ASIC5: variants seen among roughly 807,000 people sequenced by gnomAD.
The protein encoded by ASIC5 is acid sensing ion channel subunit family member 5, also known as bile acid-sensitive ion channel.
A neutral mutation model predicts 51.2 loss-of-function variants in ASIC5; 52 were observed. The observed-to-expected ratio is 1.02, with a 90% CI of 0.81 to 1.28. The LOEUF (loss-of-function observed/expected upper bound fraction) is 1.28, where lower values mean the gene tolerates loss of function less well. Among genes scored for constraint, ASIC5 ranks in the 50% most tolerant of loss-of-function variants. ASIC5 has a pLI of 0.00. For synonymous variants in ASIC5, 231 were observed against 200.7 expected, an observed-to-expected ratio of 1.15 and a Z score of -1.28; for missense variants, 635 against 595.0, an observed-to-expected ratio of 1.07 and a Z score of -0.70.
At chr4:155,845,014 C>A (rs568884082) in intron 4 of ASIC5, among the ~76,000 whole-genome samples, 2 of 151,934 alleles carry the variant, frequency 1.3e-5, no homozygotes, top group East Asian at 3.9e-4. Context: ...AACACGTGTC[C>A]CAACTTGGTC....
intron 6 of ASIC5, 131 bp downstream of exon 6, chr4:155,842,076 C>T (rs568932021): frequency 3.5e-6 from 3 of 854,312 alleles, no homozygotes; most frequent in Non-Finnish European, 5.3e-6. Context: ...TCAGCAACAT[C>T]TGTAATTACA....
chr4:155,846,974 G>A (rs1277680158), intron 4 of ASIC5, among the ~76,000 whole-genome samples: 2 of 151,912 alleles, frequency 1.3e-5, no homozygotes, highest in Non-Finnish European at 2.9e-5. Flanking sequence ...GAGATGTAAA[G>A]AAAGCTATAA....
chr4:155,852,374 A>C, intron 3 of ASIC5, 58 bp from the exon 4 acceptor site: 1 of 1,524,190 alleles, frequency 6.6e-7, no homozygotes. Context: ...GTCACTTCTC[A>C]AGTTTGCCAT....
At chr4:155,841,806 C>T (rs1741126831) in intron 6 of ASIC5, among the ~76,000 whole-genome samples, 1 of 152,084 alleles carries the variant, frequency 6.6e-6, no homozygotes, top group Admixed American at 6.6e-5. Context: ...TTCCAGAAAT[C>T]TCTGCGATGA....
At chr4:155,866,091 A>G in intron 1 of ASIC5, 96 bp downstream of exon 1, 2 of 722,084 alleles carry the variant, frequency 2.8e-6, no homozygotes, top group Middle Eastern at 2.9e-4. Flanking sequence ...TTGGAAATCA[A>G]ATTTCCCAAA....
intron 8 of ASIC5, 47 bp from the exon 9 acceptor site, chr4:155,831,962 A>G (rs767785943): frequency 3.0e-6 from 3 of 1,006,704 alleles, no homozygotes; most frequent in Admixed American, 2.1e-5. Context: ...TGTCAGCATT[A>G]CTTTTAATTC....
intron 4 of ASIC5, among the ~76,000 whole-genome samples, chr4:155,848,081 A>C (rs1741297850): frequency 6.6e-6 from 1 of 152,072 alleles, no homozygotes; most frequent in African/African-American, 2.4e-5. Flanking sequence ...AAACAAATTT[A>C]ATTGGCTTCA....
At chr4:155,859,384 G>A (rs1489187652) in intron 2 of ASIC5, among the ~76,000 whole-genome samples, 1 of 151,496 alleles carries the variant, frequency 6.6e-6, no homozygotes, top group East Asian at 1.9e-4. Flanking sequence ...AAAAAATTTT[G>A]TCATATAGAG....
chr4:155,863,362 A>T, intron 2 of ASIC5, 86 bp downstream of exon 2: 1 of 1,096,568 alleles, frequency 9.1e-7, no homozygotes, highest in East Asian at 2.6e-5. Flanking sequence ...TAAGTTCCAC[A>T]TGAGAAAACT....
intron 6 of ASIC5, among the ~76,000 whole-genome samples, chr4:155,841,782 A>G (rs1741126255): frequency 6.6e-6 from 1 of 152,118 alleles, no homozygotes; most frequent in South Asian, 2.1e-4. Flanking sequence ...CCACCCTGAT[A>G]TCGCAATTTT....
At chr4:155,846,472 A>T (rs970943772) in intron 4 of ASIC5, among the ~76,000 whole-genome samples, 2 of 152,142 alleles carry the variant, frequency 1.3e-5, no homozygotes, top group South Asian at 4.1e-4. Context: ...AGCCTAGTCC[A>T]CAGGCAGTAA....
chr4:155,862,412 T>C (rs917229807), intron 2 of ASIC5, among the ~76,000 whole-genome samples: 2 of 152,116 alleles, frequency 1.3e-5, no homozygotes, highest in Non-Finnish European at 2.9e-5. Flanking sequence ...GATGATATTA[T>C]CTCATTTTAT....
chr4:155,844,834 A>G (rs1217333243), intron 4 of ASIC5, among the ~76,000 whole-genome samples: 1 of 152,044 alleles, frequency 6.6e-6, no homozygotes, highest in Non-Finnish European at 1.5e-5. Flanking sequence ...CCCTCAGAAG[A>G]ATATACTTAG....
chr4:155,842,104 T>C, intron 6 of ASIC5, 103 bp downstream of exon 6: 2 of 1,097,180 alleles, frequency 1.8e-6, no homozygotes, highest in Non-Finnish European at 2.6e-6. Context: ...ATACTTAATA[T>C]TCCATTTGTA....
chr4:155,843,666 G>C lies in ASIC5; in HGVS notation c.861+15C>G. 6.2e-7 allele frequency: 1 copy of C among 1,612,678 alleles called. No homozygotes were observed. Among genetic ancestry groups the C allele is most frequent in the South Asian group, 1.1e-5 (1 of 90,878 alleles). The stretch of plus-strand genomic sequence containing the variant: ...TTCACTACCCCACCTAATTTCCTCA[G>C]ACTCGAGTATTTACCTTCACTTGGC... On this transcript the variant is annotated intron_variant, in intron 5 of 9. Transcript: ENST00000537611.
In ASIC5 at chr4:155,863,470, C is replaced by T. The variant is rs748820601; in HGVS notation, c.325G>A (p.Val109Met). Residue 109 changes from valine to methionine, a missense_variant, in exon 2 of 10, where the codon GTG (valine) becomes ATG (methionine). By Grantham distance (21) the Val-to-Met change is conservative. Coordinates refer to ENST00000537611, the MANE Select transcript of ASIC5 (RefSeq NM_017419.3). The stretch of plus-strand genomic sequence containing the variant: ...TACCTGTTCAAATTACAAAATGTCA[C>T]AGCTGGGAACTCCATCTTTTCCACA... ...QYVEKMEFPA[V>M]TFCNLNRFQT... The T allele has an allele frequency of 1.9e-6, 3 of 1,612,338 alleles. No individual in the cohort carries two copies. Among genetic ancestry groups the T allele is most frequent in the Non-Finnish European group, 2.5e-6 (3 of 1,178,930 alleles).
intron 6 of ASIC5, among the ~76,000 whole-genome samples, chr4:155,840,817 A>G (rs909694172): frequency 3.3e-5 from 5 of 152,070 alleles, no homozygotes; most frequent in Non-Finnish European, 7.4e-5. Flanking sequence ...TATAGTGATA[A>G]CATTACTATT....
At chr4:155,860,565 C>A (rs547422014) in intron 2 of ASIC5, among the ~76,000 whole-genome samples, 106 of 151,872 alleles carry the variant, frequency 7.0e-4, no homozygotes, top group Middle Eastern at 3.4e-3. Flanking sequence ...GCTGGAGATA[C>A]CTTTCATGCC....
intron 1 of ASIC5, chr4:155,864,719 T>C (rs1285378255): frequency 6.6e-6 from 1 of 152,154 alleles, no homozygotes; most frequent in Non-Finnish European, 1.5e-5. Context: ...AATTTGTTGA[T>C]AATACCTGGA....
Sources: gnomAD v4.1 joint callset for allele counts (sites outside exome capture counted in the v4.1 genomes callset) on GRCh38, gnomAD v4.1.1 for gene constraint, MANE v1.5 for transcripts, NCBI Gene and HGNC (gene_info 2026-07-23, HGNC 2026-07-21) for gene names.